Variants in AIF1L observed in about 807,000 individuals in gnomAD.
AIF1L encodes allograft inflammatory factor 1-like.
A neutral mutation model predicts 20.7 loss-of-function variants in AIF1L; 12 were observed. The ratio of observed to expected loss-of-function variants is 0.58; its 90% CI spans 0.37 to 0.94. The LOEUF is 0.94. Ranked by LOEUF, AIF1L falls within the 40% of genes least tolerant of loss-of-function variation. The probability of loss-of-function intolerance (pLI) is 0.01; values close to 1 mark genes in which losing one functional copy is unlikely to be tolerated. For synonymous variants in AIF1L, 76 were observed against 65.1 expected (o/e 1.17, Z -0.81); for missense variants, 173 against 185.3 (o/e 0.93, Z 0.39).
chr9:131,102,443 A>G (rs996922396), intron 2 of AIF1L, among the ~76,000 whole-genome samples: 2 of 152,046 alleles, frequency 1.3e-5, no homozygotes, highest in African/African-American at 4.8e-5. Flanking sequence ...ATTGCTGGGC[A>G]CCCACCTCTC....
chr9:131,120,274 C>G lies in AIF1L; in HGVS notation c.405C>G (p.Pro135=). 1.4e-5 allele frequency: 22 copies of G among 1,613,964 alleles called. No individual in the cohort carries two copies. Among genetic ancestry groups the G allele is most frequent in the Non-Finnish European group, 1.9e-5 (22 of 1,179,994 alleles). The change falls in exon 6 of 6, where the codon CCC becomes CCG. Residue 135 remains proline (P), a synonymous_variant. Transcript: ENST00000247291. ...AAGGAAAAGCCAACGAGAGCAGCCCCAAGCCAGTTGGCCCCCCTCCAGAGA... is the reference window on the plus strand; with the variant it reads ...AAGGAAAAGCCAACGAGAGCAGCCCGAAGCCAGTTGGCCCCCCTCCAGAGA... ...MFEGKANESS[P]KPVGPPPERD...
chr9:131,106,385 AG>A, intron 2 of AIF1L: 1 of 741,580 alleles, frequency 1.3e-6, no homozygotes, highest in Middle Eastern at 2.3e-4. Flanking sequence ...AACCTCAGTA[AG>A]CAGTGGCAGT....
chr9:131,111,744 C>T (rs1221160181), intron 3 of AIF1L, 81 bp downstream of exon 3: 33 of 1,342,788 alleles, frequency 2.5e-5, no homozygotes, highest in South Asian at 3.6e-5. Flanking sequence ...GACCCCTCAG[C>T]CCCACAGGAC....
At chr9:131,104,730 A>G (rs1043114335) in intron 2 of AIF1L, among the ~76,000 whole-genome samples, 1 of 152,120 alleles carries the variant, frequency 6.6e-6, no homozygotes, top group African/African-American at 2.4e-5. Context: ...ATAAACAGCT[A>G]ACATTTATTT....
intron 2 of AIF1L, among the ~76,000 whole-genome samples, chr9:131,102,322 G>C (rs1356167102): frequency 6.6e-6 from 1 of 152,184 alleles, no homozygotes; most frequent in African/African-American, 2.4e-5. Flanking sequence ...CCTTCCCCCA[G>C]CAATGGGGGG....
chr9:131,096,790 T>C lies in AIF1L; in HGVS notation c.32-12T>C. Reference sequence around the variant, plus strand: ...GACCCCGCTTCCCAGGCCGCCTCTTTGTCTCCTCCAGGAGGGAAGGCGTTC... The same window carrying C: ...GACCCCGCTTCCCAGGCCGCCTCTTCGTCTCCTCCAGGAGGGAAGGCGTTC... On this transcript the variant is annotated splice_polypyrimidine_tract_variant and intron_variant, in intron 1 of 5. Coordinates refer to ENST00000247291, the MANE Select transcript of AIF1L (RefSeq NM_031426.4). 1 of 1,522,916 alleles carries C rather than the reference T, an allele frequency of 6.6e-7. No individual in the cohort carries two copies. Among genetic ancestry groups the C allele is most frequent in the Non-Finnish European group, 8.8e-7 (1 of 1,137,938 alleles). 94.3% of individuals were successfully genotyped at this position (1,522,916 alleles called of 1,614,324 possible).
chr9:131,118,351 C>T (rs1831060106), intron 5 of AIF1L, among the ~76,000 whole-genome samples: 1 of 152,060 alleles, frequency 6.6e-6, no homozygotes, highest in Admixed American at 6.5e-5. Context: ...CCTCAGCCTC[C>T]CAAAATGTTA....
At chr9:131,100,133 C>T (rs768539763) in intron 2 of AIF1L, among the ~76,000 whole-genome samples, 1 of 152,092 alleles carries the variant, frequency 6.6e-6, no homozygotes, top group Non-Finnish European at 1.5e-5. Flanking sequence ...GCCTCTACCT[C>T]CCCAGCTCAA....
intron 4 of AIF1L, among the ~76,000 whole-genome samples, chr9:131,115,278 C>T (rs1830982584): frequency 6.6e-6 from 1 of 151,532 alleles, no homozygotes; most frequent in African/African-American, 2.4e-5. Flanking sequence ...GACGAAATCC[C>T]ATCTCTACTA....
chr9:131,111,997 T>A, intron 3 of AIF1L: 1 of 318,448 alleles, frequency 3.1e-6, no homozygotes, highest in Non-Finnish European at 5.9e-6. Context: ...CCGCACACAA[T>A]CAGCTCTTTG....
rs776324159 is a variant in AIF1L at position 131,123,028 on chromosome 9, CAG to C, written c.*2709_*2710del. On this transcript the variant is annotated 3_prime_UTR_variant, in exon 6 of 6. Transcript: ENST00000247291. ...CAAGTATGGCTTTGTCCCTATGACTCAGAGGAGGGTTTGTCGGGCAAATTCAG... is the reference window on the plus strand; with the variant it reads ...CAAGTATGGCTTTGTCCCTATGACTCAGGAGGGTTTGTCGGGCAAATTCAG... 6.6e-6 allele frequency: 1 copy of C among 152,392 alleles called. No homozygotes were observed. The highest frequency in any genetic ancestry group is 1.5e-5 in the Non-Finnish European group (1 of 68,102). The allele number at this position is 152,392 out of a possible 1,614,324, so 9.4% of individuals were successfully genotyped here.
intron 2 of AIF1L, among the ~76,000 whole-genome samples, chr9:131,105,571 C>G (rs1830729138): frequency 6.6e-6 from 1 of 152,060 alleles, no homozygotes; most frequent in African/African-American, 2.4e-5. Flanking sequence ...TCTTGAACTC[C>G]TGACCTCAGG....
At chr9:131,096,744 G>C in intron 1 of AIF1L, 58 bp from the exon 2 acceptor site, 2 of 1,487,622 alleles carry the variant, frequency 1.3e-6, no homozygotes, top group Non-Finnish European at 1.8e-6. Flanking sequence ...GGGCGGGGAC[G>C]GGGGCGCGTG....
chr9:131,097,278 G>T (rs748443414), intron 2 of AIF1L, among the ~76,000 whole-genome samples: 2 of 152,208 alleles, frequency 1.3e-5, no homozygotes, highest in Non-Finnish European at 2.9e-5. Context: ...GGAGTTCGGT[G>T]GCCCAATCTC....
At chr9:131,111,972 C>T (rs774730932) in intron 3 of AIF1L, 5 of 405,692 alleles carry the variant, frequency 1.2e-5, no homozygotes, top group East Asian at 4.8e-5. Flanking sequence ...GCCCAGGCCC[C>T]GTCACTCCCG....
chr9:131,114,364 GGC>G lies in AIF1L; in HGVS notation c.161-212_161-211del, dbSNP rs1830960756. 4.2e-5 allele frequency: 23 copies of G among 545,706 alleles called. 1 individual carries two copies. The South Asian group carries it at 4.7e-4, about 11-fold the overall frequency. The allele number at this position is 545,706 out of a possible 1,614,324, so 33.8% of individuals were successfully genotyped here. On this transcript the variant is annotated intron_variant, in intron 3 of 5. Coordinates refer to ENST00000247291, the MANE Select transcript of AIF1L (RefSeq NM_031426.4). ...TGGCCCCCAGCCATCTTTCCCTCGT[GGC>G]ACCTCTAGGAGAGTAGTCCAGGCAG...
chr9:131,118,047 GTACT>G (rs1293677710), intron 5 of AIF1L, 129 bp downstream of exon 5: 1 of 946,742 alleles, frequency 1.1e-6, no homozygotes, highest in Middle Eastern at 2.9e-4. Context: ...GCTGGACAAG[GTACT>G]TACTTCTCCT....
chr9:131,114,597 C>G lies in AIF1L; in HGVS notation c.181C>G (p.Leu61Val), dbSNP rs1564168411. The G allele has an allele frequency of 1.2e-6, 2 of 1,614,014 alleles. No homozygotes were observed. Among genetic ancestry groups the G allele is most frequent in the Non-Finnish European group, 1.7e-6 (2 of 1,179,980 alleles). ...TCCAGAGAAGTACATGGAGTTTGACCTGAACAATGAAGGCGAGATTGGTGA... is the reference window on the plus strand; with the variant it reads ...TCCAGAGAAGTACATGGAGTTTGACGTGAACAATGAAGGCGAGATTGGTGA... ...AFKEKYMEFD[L>V]NNEGEIDLMS... Residue 61 changes from leucine (L) to valine (V), a missense_variant, in exon 4 of 6, where the codon CTG becomes GTG. Leu to Val is a conservative substitution (Grantham distance 32). Coordinates refer to ENST00000247291, the MANE Select transcript of AIF1L (RefSeq NM_031426.4).
At chr9:131,110,524 G>C (rs1480271138) in intron 2 of AIF1L, among the ~76,000 whole-genome samples, 3 of 141,114 alleles carry the variant, frequency 2.1e-5, no homozygotes, top group African/African-American at 7.9e-5. Context: ...TTTTTTTTAA[G>C]ATGGAGTCTC....
Sources: gnomAD v4.1 joint callset for allele counts (sites outside exome capture counted in the v4.1 genomes callset) on GRCh38, gnomAD v4.1.1 for gene constraint, MANE v1.5 for transcripts, NCBI Gene and HGNC (gene_info 2026-07-23, HGNC 2026-07-21) for gene names.